NFATC3: variants seen among roughly 807,000 people sequenced by gnomAD.
NFATC3 encodes nuclear factor of activated T cells 3.
In NFATC3, 46 loss-of-function variants were observed where a neutral mutation model predicts 98.6. The observed-to-expected ratio is 0.47, with a 90% confidence interval of 0.37 to 0.60. The LOEUF (loss-of-function observed/expected upper bound fraction) is 0.60. NFATC3 is among the 20% of genes least tolerant of loss of function. The probability of loss-of-function intolerance (pLI) is 0.00; values close to 1 mark genes in which losing one functional copy is unlikely to be tolerated. For missense variants in NFATC3, 1,256 were observed against 1,295.5 expected, an observed-to-expected ratio of 0.97 and a Z score of 0.47; for synonymous variants, 512 against 472.2, an observed-to-expected ratio of 1.08 and a Z score of -1.09.
At chr16:68,179,959 G>A (rs890401902) in intron 6 of NFATC3, among the ~76,000 whole-genome samples, 1 of 152,190 alleles carries the variant, frequency 6.6e-6, no homozygotes, top group African/African-American at 2.4e-5. Flanking sequence ...CTTATTGTGA[G>A]AGTCAGCATA....
intron 3 of NFATC3, among the ~76,000 whole-genome samples, chr16:68,127,161 C>T (rs1567511367): frequency 6.6e-6 from 1 of 152,074 alleles, no homozygotes; most frequent in Non-Finnish European, 1.5e-5. Context: ...TGCAGTGAGC[C>T]AAGATCGTGT....
rs1378581810 is a variant in NFATC3 at position 68,191,223 on chromosome 16, A to G, written c.2554A>G (p.Ile852Val). 1.9e-6 allele frequency: 3 copies of G among 1,614,220 alleles called. No individual in the cohort carries two copies. The highest frequency in any genetic ancestry group is 1.7e-5 in the Admixed American group (1 of 60,016). Residue 852 changes from isoleucine to valine, a missense_variant, in exon 9 of 10, where the codon ATA becomes GTA. Physicochemically the swap from Ile to Val is conservative, Grantham distance 29 (BLOSUM62 3). Around this residue, in one of 3 missense-constraint regions of NFATC3, gnomAD observed 636 missense variants for 617.3 expected, o/e 1.03. Coordinates refer to ENST00000346183, the MANE Select transcript of NFATC3 (RefSeq NM_173165.3). ...VNLGCQPLSS[I>V]PFHSSNSGST... ...TCTTGGCTGTCAACCACTGTCATCC[A>G]TACCATTTCATTCTTCAAATTCAGG...
Position 68,085,441 on chromosome 16 carries a change from C to T in NFATC3, c.-241C>T, listed in dbSNP as rs1455179457. On this transcript the variant is annotated 5_prime_UTR_variant, in exon 1 of 10. Coordinates refer to ENST00000346183, the MANE Select transcript of NFATC3 (RefSeq NM_173165.3). ...GGGCGGCGGGGAACATTGGCTAAGC[C>T]GACAGTGGAGGCTTAGGCACCGGTG... 1.1e-5 allele frequency: 4 copies of T among 373,036 alleles called. No individual in the cohort carries two copies. The highest frequency in any genetic ancestry group is 1.5e-5 in the Non-Finnish European group (3 of 206,538). 23.1% of individuals were successfully genotyped at this position (373,036 alleles called of 1,614,324 possible). A position where few individuals can be genotyped will look rare whatever the true frequency, so the allele number is the denominator to read the frequency against.
chr16:68,214,357 G>C (rs1443748781), intron 9 of NFATC3: 3 of 1,614,044 alleles, frequency 1.9e-6, no homozygotes, highest in African/African-American at 2.7e-5. Flanking sequence ...TGGAACACCA[G>C]CCATCAGGTT....
intron 9 of NFATC3, among the ~76,000 whole-genome samples, chr16:68,214,820 A>G (rs941431923): frequency 6.6e-6 from 1 of 152,188 alleles, no homozygotes; most frequent in African/African-American, 2.4e-5. Flanking sequence ...TGAAATCAGG[A>G]AATTTTGTCC....
chr16:68,218,095 T>C, intron 9 of NFATC3: 1 of 951,126 alleles, frequency 1.1e-6, no homozygotes, highest in Non-Finnish European at 1.3e-6. Context: ...GGTCTCACAC[T>C]GTTGCCTAGG....
chr16:68,144,953 T>C (rs1283354418), intron 3 of NFATC3, among the ~76,000 whole-genome samples: 1 of 151,940 alleles, frequency 6.6e-6, no homozygotes, highest in Non-Finnish European at 1.5e-5. Flanking sequence ...CCACCGCACA[T>C]GGCTGCCTCA....
Position 68,122,161 on chromosome 16 carries a change from C to G in NFATC3, c.278C>G (p.Pro93Arg). The change falls in exon 2 of 10, where the codon CCT (proline) becomes CGT (arginine). Residue 93 changes from proline (P) to arginine (R), a missense_variant. Pro to Arg is a moderately radical substitution (Grantham distance 103, BLOSUM62 -2). Transcript: ENST00000346183. The stretch of plus-strand genomic sequence containing the variant: ...AACTATGAAGGAACTTGTGAGATTC[C>G]TGAATCTAAATATAGCCCATTAGGT... Reference protein sequence around the residue: ...HKNYEGTCEIPESKYSPLGGP... With the variant: ...HKNYEGTCEIRESKYSPLGGP... 1 of 1,614,090 alleles carries G rather than the reference C, an allele frequency of 6.2e-7. No individual in the cohort carries two copies. The highest frequency in any genetic ancestry group is 8.5e-7 in the Non-Finnish European group (1 of 1,180,008).
intron 6 of NFATC3, among the ~76,000 whole-genome samples, chr16:68,179,963 C>T (rs1313723091): frequency 6.6e-6 from 1 of 152,128 alleles, no homozygotes; most frequent in East Asian, 1.9e-4. Context: ...TTGTGAGAGT[C>T]AGCATATGGT....
chr16:68,190,699 G>A (rs1208459734), intron 8 of NFATC3, 69 bp from the exon 9 acceptor site: 3 of 1,473,774 alleles, frequency 2.0e-6, no homozygotes, highest in Admixed American at 2.2e-5. Context: ...GTGTAACCTA[G>A]CATGAAGGCC....
At chr16:68,183,473 A>G (rs2040030017) in intron 8 of NFATC3, 107 bp downstream of exon 8, 2 of 1,215,616 alleles carry the variant, frequency 1.6e-6, no homozygotes, top group South Asian at 2.9e-5. Flanking sequence ...CTTATAAACA[A>G]TGAAAACACC....
At chr16:68,183,955 G>A (rs1011284651) in intron 8 of NFATC3, among the ~76,000 whole-genome samples, 9 of 140,780 alleles carry the variant, frequency 6.4e-5, no homozygotes, top group African/African-American at 2.1e-4. Flanking sequence ...GCGGTGAGCC[G>A]AGATCGCACC....
intron 9 of NFATC3, among the ~76,000 whole-genome samples, chr16:68,202,273 A>G (rs562449287): frequency 2.0e-5 from 3 of 152,112 alleles, no homozygotes; most frequent in Non-Finnish European, 4.4e-5. Flanking sequence ...GTAATTCAGC[A>G]GTAGTAAACA....
At position 68,204,656 on chromosome 16, in the gene NFATC3, A is replaced by T. The variant is rs560886752; in HGVS notation, c.3106+12881A>T. Among the ~76,000 whole-genome samples, 5 of 152,338 alleles carry T rather than the reference A, an allele frequency of 3.3e-5. No homozygotes were observed. The South Asian group carries it at 1.0e-3, about 32-fold the overall frequency. ...CTAAAATAGCTATAATTGATTACTT[A>T]TATAATCTCGCTTTCGTAAAGACAA... On this transcript the variant is annotated intron_variant, in intron 9 of 9. Transcript: ENST00000346183.
intron 9 of NFATC3, among the ~76,000 whole-genome samples, chr16:68,210,417 G>A: frequency 6.6e-6 from 1 of 152,104 alleles, no homozygotes; most frequent in East Asian, 1.9e-4. Flanking sequence ...GCTGCAGTGA[G>A]CCATTATTGT....
intron 9 of NFATC3, among the ~76,000 whole-genome samples, chr16:68,203,358 G>A (rs1164431499): frequency 6.6e-6 from 1 of 152,110 alleles, no homozygotes; most frequent in African/African-American, 2.4e-5. Context: ...ACATGACCAG[G>A]TGCTGTGGCT....
intron 3 of NFATC3, among the ~76,000 whole-genome samples, chr16:68,157,548 A>T (rs779417384): frequency 1.8e-4 from 28 of 152,202 alleles, no homozygotes; most frequent in Non-Finnish European, 4.0e-4. Flanking sequence ...TGTTGCCCAG[A>T]GTACAGAATC....
chr16:68,114,382 A>G (rs999951844), intron 1 of NFATC3, among the ~76,000 whole-genome samples: 1 of 152,110 alleles, frequency 6.6e-6, no homozygotes, highest in Non-Finnish European at 1.5e-5. Context: ...CTAATCAGCC[A>G]TCTTGGCTCC....
rs746760486 is a variant in NFATC3 at position 68,157,910 on chromosome 16, T to G, written c.1443T>G (p.Phe481Leu). 1.2e-6 allele frequency: 2 copies of G among 1,613,774 alleles called. No individual in the cohort carries two copies. The highest frequency in any genetic ancestry group is 1.7e-6 in the Non-Finnish European group (2 of 1,179,872). Residue 481 changes from phenylalanine (F) to leucine (L), a missense_variant, in exon 4 of 10, where the codon TTT becomes TTG. By Grantham distance (22) the Phe-to-Leu change is conservative. Coordinates refer to ENST00000346183, the MANE Select transcript of NFATC3 (RefSeq NM_173165.3). ...YNEKPINLQMFIGTADDRYLR... is the reference protein window; with the variant it reads ...YNEKPINLQMLIGTADDRYLR... The stretch of plus-strand genomic sequence containing the variant: ...AAAAGCCAATAAATCTACAAATGTT[T>G]ATTGGGACAGCAGATGATCGATATT...
Sources: allele counts gnomAD v4.1 joint callset (sites outside exome capture counted in the v4.1 genomes callset), GRCh38; gene constraint gnomAD v4.1.1; regional missense constraint gnomAD v4.1.1; transcripts MANE v1.5; gene names NCBI Gene and HGNC (gene_info 2026-07-23, HGNC 2026-07-21).